The following ASTN1 variants were observed in gnomAD, a reference collection of about 807,000 sequenced individuals.
ASTN1 encodes astrotactin 1.
In ASTN1, 41 loss-of-function variants were observed where a neutral mutation model predicts 140.7. The observed-to-expected ratio is 0.29, with a 90% CI of 0.23 to 0.38. ASTN1 has a LOEUF of 0.38. ASTN1 is among the 10% of genes least tolerant of loss of function. The pLI is 1.00. For missense variants in ASTN1, 1,479 were observed against 1,678.8 expected, an observed-to-expected ratio of 0.88 and a Z score of 2.08; for synonymous variants, 640 against 652.2, an observed-to-expected ratio of 0.98 and a Z score of 0.29.
At chr1:177,066,176 T>A (rs1305974377) in intron 1 of ASTN1, among the ~76,000 whole-genome samples, 1 of 152,200 alleles carries the variant, frequency 6.6e-6, no homozygotes, top group Non-Finnish European at 1.5e-5. Context: ...CTCCTTTCCC[T>A]CTGCACATAG....
intron 16 of ASTN1, among the ~76,000 whole-genome samples, chr1:176,920,778 A>C (rs147083690): frequency 2.5e-4 from 38 of 152,352 alleles, no homozygotes; most frequent in African/African-American, 9.1e-4. Flanking sequence ...TTCTTTTATT[A>C]ACCACTGCAT....
chr1:177,063,657 T>C (rs1260825847), intron 1 of ASTN1, among the ~76,000 whole-genome samples: 1 of 152,092 alleles, frequency 6.6e-6, no homozygotes, highest in Non-Finnish European at 1.5e-5. Flanking sequence ...ATTCCCCACT[T>C]GGGCGCTTAT....
At chr1:177,043,896 A>G (rs771546718) in intron 2 of ASTN1, among the ~76,000 whole-genome samples, 59 of 152,098 alleles carry the variant, frequency 3.9e-4, no homozygotes, top group Non-Finnish European at 5.9e-4. Flanking sequence ...GGGGCCCCAC[A>G]CCGAGTGCTG....
chr1:177,069,840 AAG>A (rs1262776394), intron 1 of ASTN1, among the ~76,000 whole-genome samples: 2 of 152,036 alleles, frequency 1.3e-5, no homozygotes, highest in African/African-American at 4.8e-5. Flanking sequence ...ATACTCATTA[AAG>A]TCTCATTTGA....
intron 1 of ASTN1, among the ~76,000 whole-genome samples, chr1:177,113,824 A>G (rs570714588): frequency 6.5e-4 from 99 of 152,348 alleles, no homozygotes; most frequent in African/African-American, 2.2e-3. Context: ...ATTAGTGGGT[A>G]TGGAGAGAGT....
Position 176,862,836 on chromosome 1 carries a change from A to G in ASTN1, c.*1448T>C, listed in dbSNP as rs748773297. 186 of 985,174 alleles carry G rather than the reference A, an allele frequency of 1.9e-4. No individual in the cohort carries two copies. The highest frequency in any genetic ancestry group is 2.1e-4 in the Non-Finnish European group (178 of 829,884). The allele number at this position is 985,174 out of a possible 1,614,324, so 61.0% of individuals were successfully genotyped here. A position where few individuals can be genotyped will look rare whatever the true frequency, so the allele number is the denominator to read the frequency against. On this transcript the variant is annotated 3_prime_UTR_variant, in exon 23 of 23. Coordinates refer to ENST00000361833, the MANE Select transcript of ASTN1 (RefSeq NM_004319.3). ...GTTATCTGTCACTACTACTATTTAG[A>G]AAAAAAACCAATATAGCTCAATGAC...
At chr1:176,991,045 G>T (rs1674133511) in intron 8 of ASTN1, among the ~76,000 whole-genome samples, 1 of 152,124 alleles carries the variant, frequency 6.6e-6, no homozygotes, top group Admixed American at 6.5e-5. Context: ...TAGCCTCGCT[G>T]CTCTTCCCCA....
intron 2 of ASTN1, among the ~76,000 whole-genome samples, chr1:177,041,296 CA>C (rs754455497): frequency 4.6e-5 from 7 of 152,208 alleles, no homozygotes; most frequent in Non-Finnish European, 7.3e-5. Flanking sequence ...GATGGCACCC[CA>C]ATCAGCATCA....
chr1:177,151,438 AAG>A lies in ASTN1; in HGVS notation c.283+12954_283+12955del, dbSNP rs558182230. ...TGCCTTACTTTCTTAAAAAAAAAAA[AAG>A]AGAGAGAGAAAGAAAATTGTTACCC... On this transcript the variant is annotated intron_variant, in intron 1 of 22. Transcript: ENST00000361833. Among the ~76,000 whole-genome samples the A allele has an allele frequency of 3.8e-3, 578 of 151,644 alleles. 21 individuals carry two copies. Among genetic ancestry groups the A allele is most frequent in the Admixed American group, 0.033 (505 of 15,188 alleles).
chr1:176,883,687 A>G (rs756413950), intron 19 of ASTN1, among the ~76,000 whole-genome samples: 3 of 152,152 alleles, frequency 2.0e-5, no homozygotes, highest in Non-Finnish European at 4.4e-5. Flanking sequence ...GTAGCTGTTT[A>G]TTTTGAATTA....
downstream of ASTN1, among the ~76,000 whole-genome samples, chr1:176,859,867 G>A (rs1667913142): frequency 6.6e-6 from 1 of 152,238 alleles, no homozygotes; most frequent in Admixed American, 6.5e-5. Flanking sequence ...GAGGGGGACA[G>A]ATATTCAGGA....
intron 8 of ASTN1, among the ~76,000 whole-genome samples, chr1:176,990,548 A>G (rs1184635279): frequency 6.6e-6 from 1 of 152,090 alleles, no homozygotes; most frequent in Non-Finnish European, 1.5e-5. Flanking sequence ...AGAGGGGGAA[A>G]AAGGAAGGAA....
intron 18 of ASTN1, among the ~76,000 whole-genome samples, chr1:176,887,591 T>G (rs1669080804): frequency 6.6e-6 from 1 of 151,834 alleles, no homozygotes; most frequent in Admixed American, 6.6e-5. Flanking sequence ...TTGAATGCAT[T>G]TTTTTTTGTC....
At chr1:176,965,259 A>C (rs746990571) in intron 8 of ASTN1, 22 bp from the exon 9 acceptor site, 1 of 1,611,886 alleles carries the variant, frequency 6.2e-7, no homozygotes, top group Non-Finnish European at 8.5e-7. Context: ...AACATCATTC[A>C]ATTAAATTCA....
At position 177,093,951 on chromosome 1, in the gene ASTN1, T is replaced by A. The variant is rs527814962; in HGVS notation, c.284-32686A>T. ...CTTATGTTTTGGGTTCAGATCTACA[T>A]ATAAATACTGATACTGATGTTGGCT... On this transcript the variant is annotated intron_variant, in intron 1 of 22. Coordinates refer to ENST00000361833, the MANE Select transcript of ASTN1 (RefSeq NM_004319.3). 2.6e-5 allele frequency among the ~76,000 whole-genome samples: 4 copies of A among 151,964 alleles called. No individual in the cohort carries two copies. The South Asian group carries it at 8.3e-4, about 32-fold the overall frequency.
chr1:176,939,069 G>A (rs1002517892), intron 14 of ASTN1, among the ~76,000 whole-genome samples: 2 of 151,456 alleles, frequency 1.3e-5, no homozygotes, highest in Non-Finnish European at 2.9e-5. Flanking sequence ...CTGAGCTCAC[G>A]CCATTGCACT....
rs35499067 is a variant in ASTN1 at position 176,970,555 on chromosome 1, A to ATAGGTAGG, written c.1524-5326_1524-5319dup. On this transcript the variant is annotated intron_variant, in intron 8 of 22. Transcript: ENST00000361833. ...CCAGGGAAAGGGAGAAGAAATAGAG[A>ATAGGTAGG]TAGGTAGGTAGGTAGGTAGGTAGGT... is the stretch of plus-strand genomic sequence containing the variant. 1.7e-3 allele frequency among the ~76,000 whole-genome samples: 258 copies of ATAGGTAGG among 150,926 alleles called. 1 individual carries two copies. The highest frequency in any genetic ancestry group is 5.8e-3 in the African/African-American group (235 of 40,714).
intron 1 of ASTN1, among the ~76,000 whole-genome samples, chr1:177,098,196 G>A (rs1680121855): frequency 6.6e-6 from 1 of 152,002 alleles, no homozygotes; most frequent in Admixed American, 6.6e-5. Context: ...AGTATTATGG[G>A]AATCTGTGGG....
rs943594276 is a variant in ASTN1 at position 177,022,331 on chromosome 1, G to A, written c.1438+1073C>T. ...CCCCAACTCCAGCAACGTTTAGCTT[G>A]GGAATCTTAGATATCACTTTAACGC... is the stretch of plus-strand genomic sequence containing the variant. On this transcript the variant is annotated intron_variant, in intron 7 of 22. Coordinates refer to ENST00000361833, the MANE Select transcript of ASTN1 (RefSeq NM_004319.3). Among the ~76,000 whole-genome samples the A allele has an allele frequency of 6.9e-4, 105 of 152,306 alleles. 1 individual carries two copies. Among genetic ancestry groups the A allele is most frequent in the Non-Finnish European group, 4.9e-4 (33 of 68,032 alleles).
Sources: allele counts gnomAD v4.1 joint callset (sites outside exome capture counted in the v4.1 genomes callset), GRCh38; gene constraint gnomAD v4.1.1; transcripts MANE v1.5; gene names NCBI Gene and HGNC (gene_info 2026-07-23, HGNC 2026-07-21).